The following ZNF415 variants were observed in gnomAD, a reference collection of about 807,000 sequenced individuals.
ZNF415 encodes zinc finger protein 415.
Under a neutral mutation model 7.3 loss-of-function variants are expected in ZNF415, and 5 were observed. The ratio of observed to expected loss-of-function variants is 0.69; its 90% confidence interval spans 0.36 to 1.44. The LOEUF (loss-of-function observed/expected upper bound fraction) is 1.44, where lower values mean the gene tolerates loss of function less well. ZNF415 is among the 40% of genes most tolerant of loss of function. The pLI, the probability that ZNF415 is intolerant of heterozygous loss-of-function variation, is 0.04. For synonymous variants in ZNF415, 207 were observed against 226.3 expected (o/e 0.91, Z 0.77); for missense variants, 628 against 664.8 (o/e 0.94, Z 0.61).
Position 53,109,902 on chromosome 19 carries a change from G to C in ZNF415, c.143C>G (p.Ser48Cys), listed in dbSNP as rs779640885. 6.4e-7 allele frequency: 1 copy of C among 1,571,976 alleles called. No homozygotes were observed. The highest frequency in any genetic ancestry group is 8.6e-7 in the Non-Finnish European group (1 of 1,165,204). Residue 48 changes from serine to cysteine, a missense_variant, in exon 4 of 4, where the codon TCT (serine) becomes TGT (cysteine). Coordinates refer to ENST00000243643, the MANE Select transcript of ZNF415 (RefSeq NM_018355.4). ...TAGTTCCTTGATTACACAGTTACGA[G>C]ACAGATCTATAAGAAATGAAAACCA... is the stretch of plus-strand genomic sequence containing the variant. ...NYRNLVSLDL[S>C]RNCVIKELAP...
In ZNF415 at chr19:53,115,950, T is replaced by G. The variant is rs989840047; in HGVS notation, c.136+363A>C. On this transcript the variant is annotated intron_variant, in intron 3 of 3. Coordinates refer to ENST00000243643, the MANE Select transcript of ZNF415 (RefSeq NM_018355.4). Reference sequence around the variant, plus strand: ...CTAGGAAAATATTTCACAAATTATTTCACTGAATGCCAACTCTGAATGCTT... The same window carrying G: ...CTAGGAAAATATTTCACAAATTATTGCACTGAATGCCAACTCTGAATGCTT... 9.8e-5 allele frequency: 69 copies of G among 702,760 alleles called. No homozygotes were observed. The East Asian group carries it at 1.8e-3, about 19-fold the overall frequency. 43.5% of individuals were successfully genotyped at this position (702,760 alleles called of 1,614,324 possible). A position where few individuals can be genotyped will look rare whatever the true frequency, so the allele number is the denominator to read the frequency against.
rs774972880 is a variant in ZNF415 at position 53,119,663 on chromosome 19, ACTAG to A, written c.15+2995_15+2998del. ...AAAAAGATAATATAATCTATAAACT[ACTAG>A]CTAGATTAATCAAAAAGAAGACCCA... On this transcript the variant is annotated intron_variant, in intron 2 of 3. Coordinates refer to ENST00000243643, the MANE Select transcript of ZNF415 (RefSeq NM_018355.4). 5.9e-5 allele frequency among the ~76,000 whole-genome samples: 9 copies of A among 151,842 alleles called. No individual in the cohort carries two copies. In the East Asian group the frequency reaches 9.6e-4, roughly 16 times the overall value.
Position 53,108,370 on chromosome 19 carries a change from T to A in ZNF415, c.*7A>T. On this transcript the variant is annotated 3_prime_UTR_variant, in exon 4 of 4. Coordinates refer to ENST00000243643, the MANE Select transcript of ZNF415 (RefSeq NM_018355.4). Reference sequence around the variant, plus strand: ...GGATTTAAACTTTGACTGAAGACCTTGCCATATTAATTTCTTTTATAAGGT... The same window carrying A: ...GGATTTAAACTTTGACTGAAGACCTAGCCATATTAATTTCTTTTATAAGGT... 1 of 1,591,410 alleles carries A rather than the reference T, an allele frequency of 6.3e-7. No individual in the cohort carries two copies. Among genetic ancestry groups the A allele is most frequent in the Non-Finnish European group, 8.6e-7 (1 of 1,169,532 alleles).
rs1251836065 is a variant in ZNF415 at position 53,109,094 on chromosome 19, T to C, written c.951A>G (p.Leu317=). 2 of 1,612,364 alleles carry C rather than the reference T, an allele frequency of 1.2e-6. No individual in the cohort carries two copies. The highest frequency in any genetic ancestry group is 2.7e-5 in the African/African-American group (2 of 74,894). ...TCTCTCCAATATGAGTTTTCTGATG[T>C]AGTGCAAGGCATGAATTTCGACTGA... The part of the protein sequence containing the change: ...KVFSRNSCLA[L]HQKTHIGEKP... The change falls in exon 4 of 4, where the codon CTA becomes CTG. Residue 317 remains leucine, a synonymous_variant. Transcript: ENST00000243643.
At position 53,108,482 on chromosome 19, in the gene ZNF415, C is replaced by T; in HGVS notation, c.1563G>A (p.Lys521=). 1 of 1,614,060 alleles carries T rather than the reference C, an allele frequency of 6.2e-7. No individual in the cohort carries two copies. The highest frequency in any genetic ancestry group is 1.3e-5 in the African/African-American group (1 of 74,996). The change falls in exon 4 of 4, where the codon AAG becomes AAA. Residue 521 remains lysine (K), a synonymous_variant. Transcript: ENST00000243643. ...LTRHQIIHTG[K]KPYKCSDCGK... The stretch of plus-strand genomic sequence containing the variant: ...CACAATCACTACATTTGTAAGGTTT[C>T]TTTCCAGTATGGATTATCTGATGTC...
In ZNF415 at chr19:53,109,829, T is replaced by A; in HGVS notation, c.216A>T (p.Thr72=). The A allele has an allele frequency of 6.2e-7, 1 of 1,613,846 alleles. No individual in the cohort carries two copies. The highest frequency in any genetic ancestry group is 8.5e-7 in the Non-Finnish European group (1 of 1,179,926). The change falls in exon 4 of 4, where the codon ACA becomes ACT. Residue 72 remains threonine (T), a synonymous_variant. Transcript: ENST00000243643. Reference sequence around the variant, plus strand: ...TGTCATGTTTTTCATGTTGTTCCAATGTCACTGTGTGGAATACTTCTCCTG... The same window carrying A: ...TGTCATGTTTTTCATGTTGTTCCAAAGTCACTGTGTGGAATACTTCTCCTG... ...GNPGEVFHTV[T]LEQHEKHDIE...
intron 1 of ZNF415, among the ~76,000 whole-genome samples, chr19:53,125,827 A>G (rs1372271222): frequency 6.6e-6 from 1 of 151,958 alleles, no homozygotes; most frequent in Non-Finnish European, 1.5e-5. Context: ...AGTCCCAGCT[A>G]CTTGGGAGGC....
intron 1 of ZNF415, among the ~76,000 whole-genome samples, chr19:53,131,943 C>T (rs1485051637): frequency 6.6e-6 from 1 of 151,980 alleles, no homozygotes; most frequent in Non-Finnish European, 1.5e-5. Context: ...GTCCCGGTAC[C>T]ACACTGCCCT....
At chr19:53,120,854 G>A (rs974300512) in intron 2 of ZNF415, among the ~76,000 whole-genome samples, 1 of 151,944 alleles carries the variant, frequency 6.6e-6, no homozygotes, top group South Asian at 2.1e-4. Context: ...GGGAGGCCGA[G>A]GTGGATGGAT....
rs574129828 is a variant in ZNF415, at chr19:53,108,340, T to C, written c.*37A>G. 15 of 1,545,592 alleles carry C rather than the reference T, an allele frequency of 9.7e-6. No homozygotes were observed. The South Asian group carries it at 1.8e-4, about 18-fold the overall frequency. The stretch of plus-strand genomic sequence containing the variant: ...TCTCTGATATAAATTCTTTGATGAC[T>C]CACAGGATTTAAACTTTGACTGAAG... On this transcript the variant is annotated 3_prime_UTR_variant, in exon 4 of 4. Transcript: ENST00000243643.
chr19:53,128,969 G>A (rs1445058292), intron 1 of ZNF415, among the ~76,000 whole-genome samples: 8 of 149,174 alleles, frequency 5.4e-5, no homozygotes, highest in East Asian at 2.0e-4. Context: ...AAGAGTGTCC[G>A]ATGTGGTGAT....
chr19:53,108,959 G>T lies in ZNF415; in HGVS notation c.1086C>A (p.Gly362=), dbSNP rs578008465. 1.4e-5 allele frequency: 22 copies of T among 1,614,054 alleles called. No homozygotes were observed. Among genetic ancestry groups the T allele is most frequent in the Admixed American group, 8.3e-5 (5 of 60,008 alleles). ...GKKPYKCNEC[G]KVFSQTSSLA... ...GGCTTGAAGTCTGACTGAACACCTT[G>T]CCACATTCATTGCATTTGTAAGGTT... Residue 362 remains glycine, a synonymous_variant, in exon 4 of 4, where the codon GGC becomes GGA. Transcript: ENST00000243643.
Position 53,109,265 on chromosome 19 carries a change from C to T in ZNF415, c.780G>A (p.Ala260=), listed in dbSNP as rs142864555. ...CTCCAGTATGAACTCTCCAATGACG[C>T]GCAAGGTTTGATTTTTGACTAAAGA... is the stretch of plus-strand genomic sequence containing the variant. ...GKVFSQKSNL[A]RHWRVHTGEK... is the part of the protein sequence containing the mutation. The change falls in exon 4 of 4, where the codon GCG becomes GCA. Residue 260 remains alanine, a synonymous_variant. Transcript: ENST00000243643. 1.1e-3 allele frequency: 1,705 copies of T among 1,614,108 alleles called. 10 individuals are homozygous for T. Among genetic ancestry groups the T allele is most frequent in the South Asian group, 4.2e-3 (378 of 91,066 alleles).
chr19:53,117,266 AC>A (rs2087208492), intron 2 of ZNF415, among the ~76,000 whole-genome samples: 1 of 151,948 alleles, frequency 6.6e-6, no homozygotes, highest in Non-Finnish European at 1.5e-5. Context: ...ACATGGAGAA[AC>A]CCCATCTCTA....
intron 3 of ZNF415, among the ~76,000 whole-genome samples, chr19:53,110,833 A>G (rs1013987193): frequency 2.0e-5 from 3 of 152,200 alleles, no homozygotes; most frequent in Non-Finnish European, 4.4e-5. Context: ...AGAAATCACA[A>G]TTATGACTTC....
At chr19:53,124,238 C>A (rs376439259) in intron 1 of ZNF415, 6 of 144,652 alleles carry the variant, frequency 4.1e-5, no homozygotes, top group South Asian at 4.2e-4. Context: ...AACTCCGTCT[C>A]AAAAAAAAAA....
intron 3 of ZNF415, chr19:53,115,283 C>G (rs150409873): frequency 0.016 from 2,812 of 173,378 alleles, 50 homozygotes; most frequent in Non-Finnish European, 0.027. Context: ...TGCAGTGAGC[C>G]GAGATTGCAC....
In ZNF415 at chr19:53,109,355, G is replaced by A. The variant is rs1467500160; in HGVS notation, c.690C>T (p.His230=). 1 of 1,614,156 alleles carries A rather than the reference G, an allele frequency of 6.2e-7. No individual in the cohort carries two copies. Among genetic ancestry groups the A allele is most frequent in the East Asian group, 2.2e-5 (1 of 44,878 alleles). ...AATGACTTACCTGACGTACAGTCATGTGTGAGCCATGATTCAAGGCTTTGT... is the reference window on the plus strand; with the variant it reads ...AATGACTTACCTGACGTACAGTCATATGTGAGCCATGATTCAAGGCTTTGT... ...ECDKALNHGS[H]MTVRQVSHSG... is the part of the protein sequence containing the mutation. Residue 230 remains histidine (H), a synonymous_variant, in exon 4 of 4, where the codon CAC becomes CAT. Coordinates refer to ENST00000243643, the MANE Select transcript of ZNF415 (RefSeq NM_018355.4).
intron 1 of ZNF415, among the ~76,000 whole-genome samples, chr19:53,131,763 A>C (rs1250054346): frequency 6.6e-6 from 1 of 151,806 alleles, no homozygotes; most frequent in Admixed American, 6.6e-5. Flanking sequence ...TCATTGTCCC[A>C]GTCTCCACAT....
Sources: allele counts gnomAD v4.1 joint callset (sites outside exome capture counted in the v4.1 genomes callset), GRCh38; gene constraint gnomAD v4.1.1; transcripts MANE v1.5; gene names NCBI Gene and HGNC (gene_info 2026-07-23, HGNC 2026-07-21).